MRAP2: variants seen among roughly 807,000 people sequenced by gnomAD.
MRAP2 encodes the protein melanocortin 2 receptor accessory protein 2.
MRAP2 carries 20 observed loss-of-function variants against 17.4 expected under a neutral mutation model. The ratio of observed to expected loss-of-function variants is 1.15; its 90% CI spans 0.81 to 1.67. MRAP2 has a LOEUF of 1.67. Among genes scored for constraint, MRAP2 ranks in the 40% most tolerant of loss-of-function variants. MRAP2 has a pLI of 0.00. For missense variants in MRAP2, 238 were observed against 240.0 expected (o/e 0.99, Z 0.05); for synonymous variants, 96 against 88.4 (o/e 1.09, Z -0.48).
the MRAP2 span, among the ~76,000 whole-genome samples, chr6:84,102,537 C>T: frequency 6.6e-6 from 1 of 152,158 alleles, no homozygotes; most frequent in Admixed American, 6.6e-5. Context: ...TCTAGAGCAT[C>T]CAGAAAAGAG....
chr6:84,130,396 C>T, the MRAP2 span, among the ~76,000 whole-genome samples: 1 of 152,146 alleles, frequency 6.6e-6, no homozygotes, highest in Non-Finnish European at 1.5e-5. Context: ...AGGAGTCCCT[C>T]TTTTTCTATT....
chr6:84,037,705 C>T (rs765479105), intron 1 of MRAP2, among the ~76,000 whole-genome samples: 1 of 152,180 alleles, frequency 6.6e-6, no homozygotes, highest in Non-Finnish European at 1.5e-5. Context: ...CTGGCGCCCC[C>T]TCTGCAGCTG....
At chr6:84,033,374 G>C (rs546561159), upstream of MRAP2, among the ~76,000 whole-genome samples, 10 of 152,260 alleles carry the variant, frequency 6.6e-5, no homozygotes, top group South Asian at 2.1e-3. Context: ...AATCGAGGTA[G>C]TAATTTAAGC....
At chr6:84,061,824 A>C in intron 2 of MRAP2, 1 of 985,454 alleles carries the variant, frequency 1.0e-6, no homozygotes, top group Non-Finnish European at 1.2e-6. Context: ...CTGTTTTCTC[A>C]GATGTCAGAC....
chr6:84,096,526 G>A, the MRAP2 span, among the ~76,000 whole-genome samples: 3 of 152,124 alleles, frequency 2.0e-5, no homozygotes, highest in Admixed American at 2.0e-4. Flanking sequence ...TGAAATGTAT[G>A]CGAATGACTT....
chr6:84,103,918 C>G, the MRAP2 span, among the ~76,000 whole-genome samples: 1 of 152,144 alleles, frequency 6.6e-6, no homozygotes, highest in African/African-American at 2.4e-5. Flanking sequence ...ATTACCTTCT[C>G]CATTTGTTTG....
chr6:84,116,033 G>A, the MRAP2 span, among the ~76,000 whole-genome samples: 1 of 152,152 alleles, frequency 6.6e-6, no homozygotes, highest in Non-Finnish European at 1.5e-5. Context: ...TGGCCATCTT[G>A]ATGGGGTTTT....
At chr6:84,105,874 CA>C in the MRAP2 span, among the ~76,000 whole-genome samples, 2 of 152,164 alleles carry the variant, frequency 1.3e-5, no homozygotes, top group African/African-American at 4.8e-5. Flanking sequence ...TCTAAGTCAA[CA>C]GAGCATAAAG....
the MRAP2 span, among the ~76,000 whole-genome samples, chr6:84,123,035 G>A: frequency 2.6e-5 from 4 of 151,510 alleles, no homozygotes; most frequent in African/African-American, 7.3e-5. Context: ...TTTAACCAAG[G>A]AGGTAAAAAA....
At chr6:84,118,888 C>A in the MRAP2 span, among the ~76,000 whole-genome samples, 2 of 152,226 alleles carry the variant, frequency 1.3e-5, no homozygotes, top group African/African-American at 4.8e-5. Flanking sequence ...GATCCAATTT[C>A]ATTCTTCTGC....
the MRAP2 span, among the ~76,000 whole-genome samples, chr6:84,137,887 C>T: frequency 6.6e-6 from 1 of 152,096 alleles, no homozygotes; most frequent in Admixed American, 6.5e-5. Flanking sequence ...GGTGCTGGAT[C>T]CTTAATAAGA....
At chr6:84,133,559 C>CA in the MRAP2 span, among the ~76,000 whole-genome samples, 3 of 152,188 alleles carry the variant, frequency 2.0e-5, no homozygotes. Flanking sequence ...CAAGCCTCAG[C>CA]AACGGCGGAT....
At chr6:84,034,494 C>G (rs1161509062) in intron 1 of MRAP2, among the ~76,000 whole-genome samples, 4 of 145,194 alleles carry the variant, frequency 2.8e-5, no homozygotes, top group Admixed American at 2.1e-4. Context: ...CAACCCGCCC[C>G]CGCTCCCCCC....
At chr6:84,143,374 T>C in the MRAP2 span, among the ~76,000 whole-genome samples, 1 of 152,016 alleles carries the variant, frequency 6.6e-6, no homozygotes, top group African/African-American at 2.4e-5. Context: ...AAGAAATTAA[T>C]GTTACTAAGG....
chr6:84,064,446 A>G (rs2099494016), intron 3 of MRAP2, among the ~76,000 whole-genome samples: 1 of 152,046 alleles, frequency 6.6e-6, no homozygotes, highest in African/African-American at 2.4e-5. Context: ...GGGAGAGTGA[A>G]TATAAGTTTC....
chr6:84,043,002 G>A (rs1436259211), intron 1 of MRAP2, among the ~76,000 whole-genome samples: 7 of 152,254 alleles, frequency 4.6e-5, no homozygotes, highest in Non-Finnish European at 7.3e-5. Context: ...GTGATATGGT[G>A]TGTGCTGTTT....
the MRAP2 span, among the ~76,000 whole-genome samples, chr6:84,143,523 A>C: frequency 6.6e-6 from 1 of 151,954 alleles, no homozygotes; most frequent in South Asian, 2.1e-4. Flanking sequence ...TCGTTAAGGG[A>C]AAAAATAATT....
intron 3 of MRAP2, among the ~76,000 whole-genome samples, chr6:84,087,067 A>C (rs1247180128): frequency 6.6e-6 from 1 of 152,198 alleles, no homozygotes; most frequent in East Asian, 1.9e-4. Context: ...GAGAGGTCTC[A>C]GTTAATTTAG....
Position 84,070,207 on chromosome 6 carries a change from A to G in MRAP2, c.227+7215A>G, listed in dbSNP as rs557932725. 9.4e-4 allele frequency among the ~76,000 whole-genome samples: 143 copies of G among 151,918 alleles called. 3 individuals carry two copies. The South Asian group carries it at 0.028, about 30-fold the overall frequency. ...TTAGACTGTCAGTTTGTGCTCTTTC[A>G]GTCTTTTCGATGTAGGTGTTTAGGG... is the stretch of plus-strand genomic sequence containing the variant. On this transcript the variant is annotated intron_variant, in intron 3 of 3. Transcript: ENST00000257776.
Sources: gnomAD v4.1 joint callset for allele counts (sites outside exome capture counted in the v4.1 genomes callset) on GRCh38, gnomAD v4.1.1 for gene constraint, MANE v1.5 for transcripts, NCBI Gene and HGNC (gene_info 2026-07-23, HGNC 2026-07-21) for gene names.